Variants in PCDHA7 observed in about 807,000 individuals in gnomAD.
The protein encoded by PCDHA7 is protocadherin alpha-7.
In PCDHA7, 37 loss-of-function variants were observed where a neutral mutation model predicts 57.2. The ratio of observed to expected loss-of-function variants is 0.65; its 90% confidence interval spans 0.50 to 0.85. The LOEUF (loss-of-function observed/expected upper bound fraction) is 0.85. Among genes scored for constraint, PCDHA7 ranks in the 40% least tolerant of loss-of-function variants. The pLI, the probability that PCDHA7 is intolerant of heterozygous loss-of-function variation, is 0.00. For missense variants in PCDHA7, 1,188 were observed against 1,241.8 expected, an observed-to-expected ratio of 0.96 and a Z score of 0.65; for synonymous variants, 553 against 558.8, an observed-to-expected ratio of 0.99 and a Z score of 0.15.
At chr5:140,978,907 G>A (rs782602741) in intron 1 of PCDHA7, 42 bp from the exon 2 acceptor site, 3 of 1,613,766 alleles carry the variant, frequency 1.9e-6, no homozygotes, top group South Asian at 2.2e-5. Context: ...GGAGAACATT[G>A]TCTTGTCATT....
intron 1 of PCDHA7, chr5:140,967,728 G>T: frequency 6.2e-7 from 1 of 1,614,176 alleles, no homozygotes; most frequent in East Asian, 2.2e-5. Context: ...CGAGTAATTG[G>T]GGGGCTGGAT....
At chr5:140,901,297 T>C (rs1224181769) in intron 1 of PCDHA7, among the ~76,000 whole-genome samples, 1 of 152,234 alleles carries the variant, frequency 6.6e-6, no homozygotes, top group Non-Finnish European at 1.5e-5. Context: ...CAGACTGATG[T>C]TCCGGAGAGT....
In PCDHA7 at chr5:140,851,054, T is replaced by C. The variant is rs1269980672; in HGVS notation, c.2355+14316T>C. The C allele has an allele frequency of 2.8e-5, 38 of 1,379,008 alleles. 5 individuals carry two copies. Among genetic ancestry groups the C allele is most frequent in the Non-Finnish European group, 3.5e-5 (37 of 1,051,766 alleles). The allele number at this position is 1,379,008 out of a possible 1,614,324, so 85.4% of individuals were successfully genotyped here. ...CTTAACATTGGAGCCGACTTTGTCT[T>C]GACTTCTAGTGAGAATTATAAACTG... On this transcript the variant is annotated intron_variant, in intron 1 of 3. Coordinates refer to ENST00000525929, the MANE Select transcript of PCDHA7 (RefSeq NM_018910.3).
rs199520871 is a variant in PCDHA7 at position 140,848,784 on chromosome 5, G to C, written c.2355+12046G>C. 5.5e-5 allele frequency: 88 copies of C among 1,593,310 alleles called. 12 individuals are homozygous for C. Among genetic ancestry groups the C allele is most frequent in the Non-Finnish European group, 6.9e-5 (80 of 1,164,078 alleles). On this transcript the variant is annotated intron_variant, in intron 1 of 3. Coordinates refer to ENST00000525929, the MANE Select transcript of PCDHA7 (RefSeq NM_018910.3). ...TCGGATCGACCGCGAGGAGCTGTGC[G>C]GGCGGAGCGCGGAGTGCAGCATCCA...
At chr5:140,886,084 G>A (rs1554182347) in intron 1 of PCDHA7, among the ~76,000 whole-genome samples, 1 of 152,140 alleles carries the variant, frequency 6.6e-6, no homozygotes, top group Non-Finnish European at 1.5e-5. Context: ...CCACAACCTG[G>A]ATATTGACAT....
At chr5:140,982,025 C>A (rs1191670248) in intron 2 of PCDHA7, among the ~76,000 whole-genome samples, 1 of 152,180 alleles carries the variant, frequency 6.6e-6, no homozygotes, top group Non-Finnish European at 1.5e-5. Flanking sequence ...CAAATTGGAA[C>A]AATACTCCAA....
chr5:140,966,946 C>G (rs377699694), intron 1 of PCDHA7: 3 of 1,603,368 alleles, frequency 1.9e-6, no homozygotes, highest in African/African-American at 2.7e-5. Context: ...TCGTGGGCAA[C>G]GTGGCTCGCG....
chr5:140,885,642 A>G (rs2060672494), intron 1 of PCDHA7, among the ~76,000 whole-genome samples: 1 of 152,170 alleles, frequency 6.6e-6, no homozygotes, highest in Non-Finnish European at 1.5e-5. Flanking sequence ...CCTTCCAAGT[A>G]TTTTGGAACC....
intron 1 of PCDHA7, chr5:140,865,984 C>CT (rs1421738889): frequency 1.3e-5 from 2 of 152,088 alleles, no homozygotes; most frequent in Non-Finnish European, 2.9e-5. Context: ...TGAGATGGCA[C>CT]TAAGTTTTTT....
At position 140,838,075 on chromosome 5, in the gene PCDHA7, A is replaced by AGTG. The variant is rs781914509; in HGVS notation, c.2355+1337_2355+1338insGTG. Among the ~76,000 whole-genome samples the AGTG allele has an allele frequency of 1.4e-3, 174 of 128,230 alleles. 2 individuals carry two copies. Among genetic ancestry groups the AGTG allele is most frequent in the Admixed American group, 2.8e-3 (34 of 12,302 alleles). 84.1% of individuals were successfully genotyped at this position (128,230 alleles called of 152,430 possible). ...GTTTTCCACTTTAAGTTATATATAT[A>AGTG]TAGTGTGTGTGTGTGTGTGTGTGTG... is the stretch of plus-strand genomic sequence containing the variant. On this transcript the variant is annotated intron_variant, in intron 1 of 3. Coordinates refer to ENST00000525929, the MANE Select transcript of PCDHA7 (RefSeq NM_018910.3).
intron 1 of PCDHA7, chr5:140,966,708 C>T (rs1033433543): frequency 1.7e-5 from 23 of 1,384,632 alleles, no homozygotes; most frequent in African/African-American, 6.1e-5. Context: ...GCGTGGGGCA[C>T]GGCTGGGGAA....
In PCDHA7 at chr5:140,836,723, A is replaced by G. The variant is rs1318584018; in HGVS notation, c.2340A>G (p.Pro780=). The G allele has an allele frequency of 2.2e-5, 35 of 1,612,196 alleles. No individual in the cohort carries two copies. The highest frequency in any genetic ancestry group is 2.9e-5 in the Non-Finnish European group (34 of 1,178,824). The change falls in exon 1 of 4, where the codon CCA becomes CCG. Residue 780 remains proline (P), a synonymous_variant. Transcript: ENST00000525929. ...TCAGTCCCAGCCTTCCTCAGGGTCCATCCTCTACAGACAATGTGAGTCATA... is the reference window on the plus strand; with the variant it reads ...TCAGTCCCAGCCTTCCTCAGGGTCCGTCCTCTACAGACAATGTGAGTCATA... ...MAFSPSLPQG[P]SSTDNPRQPN...
In PCDHA7 at chr5:140,951,110, T is replaced by A. The variant is rs1230697929; in HGVS notation, c.2356-27839T>A. Reference sequence around the variant, plus strand: ...TTTTTCTGATAAGATTTCCTTTATTTTCATTCCTTACCAATAAGTTTTCCT... The same window carrying A: ...TTTTTCTGATAAGATTTCCTTTATTATCATTCCTTACCAATAAGTTTTCCT... On this transcript the variant is annotated intron_variant, in intron 1 of 3. Transcript: ENST00000525929. Among the ~76,000 whole-genome samples, 5 of 150,004 alleles carry A rather than the reference T, an allele frequency of 3.3e-5. No homozygotes were observed. The East Asian group carries it at 9.8e-4, about 29-fold the overall frequency.
intron 1 of PCDHA7, chr5:140,869,855 T>C: frequency 6.2e-7 from 1 of 1,610,578 alleles, no homozygotes; most frequent in Non-Finnish European, 8.5e-7. Context: ...AAGGTGAGCC[T>C]TATGGAAAAT....
At chr5:140,856,117 G>A in intron 1 of PCDHA7, 1 of 1,598,170 alleles carries the variant, frequency 6.3e-7, no homozygotes, top group East Asian at 2.2e-5. Context: ...TCGCAGCCTG[G>A]GAGGTGGGGA....
chr5:140,924,945 A>T (rs200246310), intron 1 of PCDHA7, among the ~76,000 whole-genome samples: 4 of 64,382 alleles, frequency 6.2e-5, no homozygotes, highest in African/African-American at 1.9e-4. Context: ...ATAAAAAGTT[A>T]AAAAAAAAAT....
chr5:140,985,499 C>G (rs1307302690), intron 3 of PCDHA7, among the ~76,000 whole-genome samples: 1 of 152,170 alleles, frequency 6.6e-6, no homozygotes, highest in African/African-American at 2.4e-5. Flanking sequence ...TAGAGCCTGC[C>G]TTTCATTGAT....
At chr5:140,877,839 A>G (rs2057367244) in intron 1 of PCDHA7, 12 of 1,582,068 alleles carry the variant, frequency 7.6e-6, no homozygotes, top group Non-Finnish European at 9.4e-6. Flanking sequence ...CTCCCAGTGA[A>G]GTAAGTTATT....
At chr5:140,943,321 G>C (rs1012061757) in intron 1 of PCDHA7, among the ~76,000 whole-genome samples, 3 of 150,454 alleles carry the variant, frequency 2.0e-5, no homozygotes, top group Non-Finnish European at 4.4e-5. Flanking sequence ...TAGCAATATT[G>C]TGTAGTATCC....
Sources: gnomAD v4.1 joint callset for allele counts (sites outside exome capture counted in the v4.1 genomes callset) on GRCh38, gnomAD v4.1.1 for gene constraint, MANE v1.5 for transcripts, NCBI Gene and HGNC (gene_info 2026-07-23, HGNC 2026-07-21) for gene names.